Variants in AATK observed in about 807,000 individuals in gnomAD.
The protein encoded by AATK is serine/threonine-protein kinase LMTK1.
Under a neutral mutation model 114.3 loss-of-function variants are expected in AATK, and 91 were observed. The observed-to-expected ratio is 0.80, with a 90% CI of 0.67 to 0.95. AATK has a LOEUF of 0.95. AATK is among the 40% of genes least tolerant of loss of function. The pLI, the probability that AATK is intolerant of heterozygous loss-of-function variation, is 0.00. For missense variants in AATK, 2,176 were observed against 1,965.2 expected (o/e 1.11, Z -2.03); for synonymous variants, 1,075 against 916.5 (o/e 1.17, Z -3.12).
At chr17:81,134,110 C>T (rs1348285764) in intron 2 of AATK, among the ~76,000 whole-genome samples, 1 of 152,202 alleles carries the variant, frequency 6.6e-6, no homozygotes, top group African/African-American at 2.4e-5. Context: ...CGGGCCCAAC[C>T]CCAGGCTGGA....
intron 1 of AATK, among the ~76,000 whole-genome samples, chr17:81,148,924 C>A (rs527422207): frequency 1.3e-5 from 2 of 152,326 alleles, no homozygotes; most frequent in African/African-American, 4.8e-5. Flanking sequence ...TTGGGAATAG[C>A]CCCCAGTTGG....
Position 81,118,418 on chromosome 17 carries a change from T to C in AATK, c.4109A>G (p.Glu1370Gly), listed in dbSNP as rs771857849. The change falls in exon 14 of 14, where the codon GAG (glutamate) becomes GGG (glycine). Residue 1370 changes from glutamate to glycine, a missense_variant. Transcript: ENST00000326724. ...GCCCAGGTCTCAAGCCTCTTTACTCTCACCCCCGGCACCAGCTTCAGGTCC... is the reference window on the plus strand; with the variant it reads ...GCCCAGGTCTCAAGCCTCTTTACTCCCACCCCCGGCACCAGCTTCAGGTCC... ...KRGPEAGAGG[E>G]SKEA 9 of 1,608,850 alleles carry C rather than the reference T, an allele frequency of 5.6e-6. No homozygotes were observed. Among genetic ancestry groups the C allele is most frequent in the South Asian group, 1.1e-5 (1 of 90,018 alleles).
Position 81,161,587 on chromosome 17 carries a change from G to A in AATK, c.55+4351C>T, listed in dbSNP as rs370885765. Among the ~76,000 whole-genome samples the A allele has an allele frequency of 1.1e-4, 17 of 152,302 alleles. No homozygotes were observed. In the East Asian group the frequency reaches 3.1e-3, roughly 28 times the overall value. On this transcript the variant is annotated intron_variant, in intron 1 of 13. Coordinates refer to ENST00000326724, the MANE Select transcript of AATK (RefSeq NM_001080395.3). ...GGTGGTGGGTGAGTGCAGAGAGGAC[G>A]TGAACAGTCACCAGCCCTGGAGCTG...
chr17:81,158,036 G>A (rs1344978615), intron 1 of AATK, among the ~76,000 whole-genome samples: 1 of 152,250 alleles, frequency 6.6e-6, no homozygotes, highest in African/African-American at 2.4e-5. Context: ...GGGCTGCTGG[G>A]CTCAGGCTTG....
rs1213335484 is a variant in AATK, at chr17:81,119,271, C to CGGAGT, written c.4084+108_4084+109insACTCC. On this transcript the variant is annotated intron_variant, in intron 13 of 13. Transcript: ENST00000326724. ...GGGGCCGGGAAGGAGCGGAGCGGAG[C>CGGAGT]GGAGCCGGGGCTGGCCCGGCCCAGG... 9.1e-6 allele frequency: 10 copies of CGGAGT among 1,103,414 alleles called. No homozygotes were observed. The Admixed American group carries it at 2.3e-4, about 26-fold the overall frequency. 68.4% of individuals were successfully genotyped at this position (1,103,414 alleles called of 1,614,324 possible).
intron 1 of AATK, among the ~76,000 whole-genome samples, chr17:81,138,019 C>G (rs1454526224): frequency 6.6e-6 from 1 of 151,296 alleles, no homozygotes; most frequent in Non-Finnish European, 1.5e-5. Flanking sequence ...CACGCACCCA[C>G]ATGCACGCAA....
chr17:81,131,797 T>C, intron 2 of AATK: 1 of 1,269,218 alleles, frequency 7.9e-7, no homozygotes, highest in Non-Finnish European at 1.0e-6. Flanking sequence ...CCCACAGTCC[T>C]GTGGGAGAAG....
At chr17:81,143,891 T>A (rs1469778709) in intron 1 of AATK, among the ~76,000 whole-genome samples, 1 of 152,212 alleles carries the variant, frequency 6.6e-6, no homozygotes, top group Non-Finnish European at 1.5e-5. Flanking sequence ...GACCCCCACA[T>A]GCTAGCTCAG....
At chr17:81,125,783 G>A (rs1452144794) in intron 7 of AATK, 4 of 423,124 alleles carry the variant, frequency 9.5e-6, no homozygotes, top group Non-Finnish European at 2.0e-5. Flanking sequence ...ATCGCTACAG[G>A]GCCATGTGTC....
At chr17:81,119,069 G>A (rs1197147468) in intron 13 of AATK, among the ~76,000 whole-genome samples, 4 of 152,216 alleles carry the variant, frequency 2.6e-5, no homozygotes, top group African/African-American at 9.6e-5. Context: ...AGGTTCCGGT[G>A]AGAGGGCCTG....
chr17:81,134,782 A>G (rs1369651381), intron 1 of AATK, among the ~76,000 whole-genome samples: 3 of 152,208 alleles, frequency 2.0e-5, no homozygotes, highest in Non-Finnish European at 4.4e-5. Context: ...TGGGGTTCAG[A>G]TACCCCTGAG....
At chr17:81,135,750 T>C (rs566646004) in intron 1 of AATK, 1 of 152,388 alleles carries the variant, frequency 6.6e-6, no homozygotes, top group African/African-American at 2.4e-5. Context: ...CTAGGCTTCC[T>C]GCTCAGGTCT....
Position 81,126,382 on chromosome 17 carries a change from G to A in AATK, c.755+45C>T. ...CCTATGCCCTTCCTTCAGGGGAGGG[G>A]CCTGGCCTAGGGCTTCCCGGCCGCT... On this transcript the variant is annotated intron_variant, in intron 7 of 13. Transcript: ENST00000326724. The surrounding 1 kb of genome is among the most constrained non-coding windows in gnomAD (Gnocchi z 5.1). 3 of 1,527,086 alleles carry A rather than the reference G, an allele frequency of 2.0e-6. No individual in the cohort carries two copies. The highest frequency in any genetic ancestry group is 2.7e-6 in the Non-Finnish European group (3 of 1,131,568). The allele number at this position is 1,527,086 out of a possible 1,614,324, so 94.6% of individuals were successfully genotyped here.
chr17:81,162,709 G>A (rs1489630407), intron 1 of AATK, among the ~76,000 whole-genome samples: 2 of 152,284 alleles, frequency 1.3e-5, no homozygotes, highest in East Asian at 1.9e-4. Flanking sequence ...CTGATAGAGC[G>A]AGCACCGTGG....
chr17:81,120,161 AC>A, intron 11 of AATK, 39 bp downstream of exon 11: 1 of 1,525,494 alleles, frequency 6.6e-7, no homozygotes, highest in African/African-American at 1.4e-5. Flanking sequence ...CGGGAGCGCG[AC>A]CCCCAGCCCC....
At chr17:81,147,235 C>T (rs1479522768) in intron 1 of AATK, among the ~76,000 whole-genome samples, 1 of 151,658 alleles carries the variant, frequency 6.6e-6, no homozygotes. Context: ...GTGGCAGGTA[C>T]CTGTAGTCCC....
chr17:81,119,401 A>C lies in AATK; in HGVS notation c.4063T>G (p.Ser1355Ala). Residue 1355 changes from serine to alanine, a missense_variant, in exon 13 of 14, where the codon TCG (serine) becomes GCG (alanine). Around this residue, in one of 4 missense-constraint regions of AATK, gnomAD observed 1,701 missense variants for 1,394.7 expected, o/e 1.22. Coordinates refer to ENST00000326724, the MANE Select transcript of AATK (RefSeq NM_001080395.3). Reference protein sequence around the residue: ...SRFSITHVSDSDAESKRGPEA... With the variant: ...SRFSITHVSDADAESKRGPEA... ...TCACCTCTCTTGGACTCGGCGTCCG[A>C]GTCAGACACGTGCGTGATGGAGAAG... is the stretch of plus-strand genomic sequence containing the variant. The C allele has an allele frequency of 6.4e-7, 1 of 1,555,562 alleles. No individual in the cohort carries two copies.
Position 81,120,792 on chromosome 17 carries a change from T to G in AATK, c.3144A>C (p.Gln1048His), listed in dbSNP as rs1233820195. 6.4e-7 allele frequency: 1 copy of G among 1,568,160 alleles called. No homozygotes were observed. The highest frequency in any genetic ancestry group is 1.9e-5 in the Admixed American group (1 of 53,536). Residue 1048 changes from glutamine to histidine, a missense_variant, in exon 11 of 14, where the codon CAA becomes CAC. Coordinates refer to ENST00000326724, the MANE Select transcript of AATK (RefSeq NM_001080395.3). ...CLRPGVSGEAQGSGPGEVLPP... is the reference protein window; with the variant it reads ...CLRPGVSGEAHGSGPGEVLPP... ...GCAGCACCTCCCCGGGGCCAGAGCCTTGTGCCTCCCCGGAAACCCCAGGCC... is the reference window on the plus strand; with the variant it reads ...GCAGCACCTCCCCGGGGCCAGAGCCGTGTGCCTCCCCGGAAACCCCAGGCC...
chr17:81,156,952 G>C (rs2061374245), intron 1 of AATK, among the ~76,000 whole-genome samples: 1 of 152,140 alleles, frequency 6.6e-6, no homozygotes, highest in Non-Finnish European at 1.5e-5. Flanking sequence ...GACCCCACAG[G>C]CCTCCCGACA....
Sources: gnomAD v4.1 joint callset for allele counts (sites outside exome capture counted in the v4.1 genomes callset) on GRCh38, gnomAD v4.1.1 for gene constraint, gnomAD v4.1.1 regional missense constraint, Gnocchi (gnomAD v3.1) non-coding constraint, MANE v1.5 for transcripts, NCBI Gene and HGNC (gene_info 2026-07-23, HGNC 2026-07-21) for gene names.